HNRNPH1: variants seen among roughly 807,000 people sequenced by gnomAD.
HNRNPH1 encodes the protein heterogeneous nuclear ribonucleoprotein H1, also known as heterogeneous nuclear ribonucleoprotein H.
A neutral mutation model predicts 58.6 loss-of-function variants in HNRNPH1; 4 were observed. The ratio of observed to expected loss-of-function variants is 0.07; its 90% CI spans 0.03 to 0.16. The LOEUF is 0.16. Among genes scored for constraint, HNRNPH1 ranks in the 10% least tolerant of loss-of-function variants. HNRNPH1 has a pLI of 1.00. For synonymous variants in HNRNPH1, 192 were observed against 189.2 expected (o/e 1.01, Z -0.12); for missense variants, 271 against 564.2 (o/e 0.48, Z 5.26).
upstream of HNRNPH1, among the ~76,000 whole-genome samples, chr5:179,626,059 C>T (rs994275520): frequency 1.3e-5 from 2 of 151,546 alleles, no homozygotes; most frequent in Non-Finnish European, 2.9e-5. Flanking sequence ...AGAGAAAGTG[C>T]TGGGATTACA....
chr5:179,616,344 CCTTCTGCCTA>C (rs1769646461), intron 10 of HNRNPH1, 126 bp from the exon 12 acceptor site: 6 of 774,000 alleles, frequency 7.8e-6, no homozygotes, highest in African/African-American at 1.7e-5. Flanking sequence ...CCCTCTGCCT[CCTTCTGCCTA>C]CTGTCTATAA....
chr5:179,623,611 C>T (rs1773872798), exon 1 of HNRNPH1: 1 of 155,824 alleles, frequency 6.4e-6, no homozygotes, highest in Admixed American at 6.4e-5. Context: ...CGCTGAACTG[C>T]AAGCGAGGAC....
In HNRNPH1 at chr5:179,615,094, G is replaced by A. The variant is rs1344352012; in HGVS notation, c.*1-135C>T. The A allele has an allele frequency of 9.4e-6, 6 of 640,244 alleles. No individual in the cohort carries two copies. The East Asian group carries it at 1.7e-4, about 18-fold the overall frequency. 39.7% of individuals were successfully genotyped at this position (640,244 alleles called of 1,614,324 possible). Reference sequence around the variant, plus strand: ...GTCCAAGTGGCGAGACGCATGTTTGGGAAAGGGGAATCCCGACTCCAAACA... The same window carrying A: ...GTCCAAGTGGCGAGACGCATGTTTGAGAAAGGGGAATCCCGACTCCAAACA... On this transcript the variant is annotated intron_variant, in intron 12 of 12. Transcript: ENST00000356731.
chr5:179,617,497 T>C lies in HNRNPH1; in HGVS notation c.1057+17A>G, dbSNP rs80222959. Reference sequence around the variant, plus strand: ...CAATCACCTGTTAAGAGCCCACAAATGCTCAATCACACTTACGCATATTTG... The same window carrying C: ...CAATCACCTGTTAAGAGCCCACAAACGCTCAATCACACTTACGCATATTTG... On this transcript the variant is annotated intron_variant, in intron 8 of 12. Coordinates refer to ENST00000356731, the Ensembl canonical transcript of HNRNPH1. The C allele has an allele frequency of 2.4e-4, 383 of 1,610,878 alleles. 1 individual carries two copies. The highest frequency in any genetic ancestry group is 6.1e-4 in the African/African-American group (46 of 74,930).
chr5:179,618,082 A>G (rs1770649445), intron 5 of HNRNPH1, 22 bp from the exon 7 acceptor site: 2 of 1,613,734 alleles, frequency 1.2e-6, no homozygotes, highest in East Asian at 4.5e-5. Context: ...AGTACAATCA[A>G]TCAAATAAAA....
In HNRNPH1 at chr5:179,617,425, T is replaced by G. The variant is rs1287509958; in HGVS notation, c.1057+89A>C. On this transcript the variant is annotated intron_variant, in intron 8 of 12. Coordinates refer to ENST00000356731, the Ensembl canonical transcript of HNRNPH1. ...AATCTATTACTGGAGAGGAAACTTCTCATATATCCTTATTTTTCCATTTCT... is the reference window on the plus strand; with the variant it reads ...AATCTATTACTGGAGAGGAAACTTCGCATATATCCTTATTTTTCCATTTCT... The G allele has an allele frequency of 2.1e-6, 3 of 1,415,310 alleles. No individual in the cohort carries two copies. The Admixed American group carries it at 6.1e-5, about 29-fold the overall frequency. 87.7% of individuals were successfully genotyped at this position (1,415,310 alleles called of 1,614,324 possible). A position where few individuals can be genotyped will look rare whatever the true frequency, so the allele number is the denominator to read the frequency against.
chr5:179,614,861 T>TCATACTG (rs1201460107), exon 13 of HNRNPH1: 1 of 1,451,870 alleles, frequency 6.9e-7, no homozygotes, highest in Non-Finnish European at 9.3e-7. Flanking sequence ...CATCCACCAC[T>TCATACTG]CATACTGGAC....
chr5:179,621,945 C>G (rs1772586080), intron 1 of HNRNPH1: 1 of 456,202 alleles, frequency 2.2e-6, no homozygotes, highest in African/African-American at 2.0e-5. Flanking sequence ...GTACTTGGTT[C>G]TTGTTTTACA....
intron 3 of HNRNPH1, chr5:179,620,155 A>AT (rs1458881726): frequency 6.6e-6 from 1 of 152,228 alleles, no homozygotes; most frequent in Admixed American, 6.5e-5. Flanking sequence ...CTCGATACAT[A>AT]TATCAATTTT....
exon 13 of HNRNPH1, chr5:179,614,905 A>G (rs1768761536): frequency 1.3e-6 from 2 of 1,550,180 alleles, no homozygotes; most frequent in Non-Finnish European, 1.7e-6. Flanking sequence ...GTTCACGCCC[A>G]TAGATGCACG....
chr5:179,621,503 G>A, intron 1 of HNRNPH1, 106 bp from the exon 3 acceptor site: 2 of 951,490 alleles, frequency 2.1e-6, no homozygotes, highest in African/African-American at 1.7e-5. Flanking sequence ...TACATAACTT[G>A]TGAAGCCTAT....
At chr5:179,630,439 C>G (rs1774736848) in intron 2 of HNRNPH1, among the ~76,000 whole-genome samples, 1 of 151,972 alleles carries the variant, frequency 6.6e-6, no homozygotes, top group Non-Finnish European at 1.5e-5. Flanking sequence ...GAGTGGTAAC[C>G]AAAGAAATGC....
intron 4 of HNRNPH1, 74 bp downstream of exon 5, chr5:179,619,195 T>G (rs1340680098): frequency 1.4e-5 from 18 of 1,286,636 alleles, no homozygotes; most frequent in East Asian, 1.0e-4. Flanking sequence ...ATTTCTTCTT[T>G]TAAGCAGAGA....
intron 1 of HNRNPH1, 94 bp downstream of exon 2, chr5:179,622,943 G>GCCCGGCCCGCCCCGCCCCGCCCCGC (rs1400482061): frequency 2.2e-5 from 2 of 90,448 alleles, no homozygotes; most frequent in African/African-American, 9.0e-5. Context: ...GCCCGGCCCG[G>GCCCGGCCCGCCCCGCCCCGCCCCGC]CCCGCCCCGC....
intron 2 of HNRNPH1, among the ~76,000 whole-genome samples, chr5:179,633,510 C>T (rs1478356502): frequency 5.7e-5 from 8 of 139,926 alleles, no homozygotes; most frequent in Non-Finnish European, 1.1e-4. Flanking sequence ...GACGGGGTTT[C>T]ACCGTGTCAG....
chr5:179,628,584 G>A (rs1774566520), upstream of HNRNPH1, among the ~76,000 whole-genome samples: 1 of 152,060 alleles, frequency 6.6e-6, no homozygotes, highest in Non-Finnish European at 1.5e-5. Flanking sequence ...ACCCACCTCA[G>A]CCTCCCAAAT....
chr5:179,632,324 AAAAAG>A (rs1469772057), intron 2 of HNRNPH1, among the ~76,000 whole-genome samples: 1 of 150,790 alleles, frequency 6.6e-6, no homozygotes, highest in Non-Finnish European at 1.5e-5. Context: ...AAAAAAAAGA[AAAAAG>A]AAAAGGGCGT....
chr5:179,620,446 T>G, intron 3 of HNRNPH1, among the ~76,000 whole-genome samples: 1 of 152,248 alleles, frequency 6.6e-6, no homozygotes. Flanking sequence ...AACCGACTTT[T>G]GCATTAAAGA....
At chr5:179,628,510 C>T (rs13178278), upstream of HNRNPH1, among the ~76,000 whole-genome samples, 10,044 of 152,206 alleles carry the variant, frequency 0.066, 419 homozygotes, top group South Asian at 0.11. Context: ...CCTGCCACCA[C>T]ACCCAGCTAA....
Sources: gnomAD v4.1 joint callset for allele counts (sites outside exome capture counted in the v4.1 genomes callset) on GRCh38, gnomAD v4.1.1 for gene constraint, MANE v1.5 for transcripts, NCBI Gene and HGNC (gene_info 2026-07-23, HGNC 2026-07-21) for gene names.